PAAF1: variants seen among roughly 807,000 people sequenced by gnomAD.
PAAF1 encodes proteasomal ATPase-associated factor 1.
Under a neutral mutation model 52.8 loss-of-function variants are expected in PAAF1, and 46 were observed. The observed-to-expected ratio is 0.87, with a 90% confidence interval of 0.69 to 1.11. The LOEUF is 1.11. Ranked by LOEUF, PAAF1 falls within the 50% of genes most tolerant of loss-of-function variation. The pLI, the probability that PAAF1 is intolerant of heterozygous loss-of-function variation, is 0.00. For synonymous variants in PAAF1, 178 were observed against 172.8 expected, an observed-to-expected ratio of 1.03 and a Z score of -0.24; for missense variants, 424 against 477.4, an observed-to-expected ratio of 0.89 and a Z score of 1.04.
At chr11:73,921,779 G>A (rs1591133074) in intron 10 of PAAF1, 2 of 1,201,222 alleles carry the variant, frequency 1.7e-6, no homozygotes, top group East Asian at 5.3e-5. Context: ...CCAGTCTCTT[G>A]CCTTAGATGT....
In PAAF1 at chr11:73,909,609, T is replaced by C. The variant is rs1949873126; in HGVS notation, c.727+16T>C. The C allele has an allele frequency of 6.2e-7, 1 of 1,610,792 alleles. No individual in the cohort carries two copies. Among genetic ancestry groups the C allele is most frequent in the South Asian group, 1.1e-5 (1 of 90,992 alleles). On this transcript the variant is annotated intron_variant, in intron 7 of 11. Transcript: ENST00000310571. ...CAGATGCCCAGTAAGTTGATAATGATATGTAGCATTGTTTTATTTTCTTAG... is the reference window on the plus strand; with the variant it reads ...CAGATGCCCAGTAAGTTGATAATGACATGTAGCATTGTTTTATTTTCTTAG...
At chr11:73,912,782 A>G (rs1402767708) in intron 7 of PAAF1, among the ~76,000 whole-genome samples, 1 of 152,148 alleles carries the variant, frequency 6.6e-6, no homozygotes, top group African/African-American at 2.4e-5. Context: ...CTCCAGTCTC[A>G]TGTCATACCA....
chr11:73,902,703 A>AT (rs1323888876), intron 6 of PAAF1, among the ~76,000 whole-genome samples: 1 of 151,762 alleles, frequency 6.6e-6, no homozygotes, highest in Non-Finnish European at 1.5e-5. Flanking sequence ...TTTATTTATT[A>AT]TTATTTTTTT....
intron 6 of PAAF1, among the ~76,000 whole-genome samples, chr11:73,908,349 GTATATATGTGTGTATATATATATGTA>G (rs1565143776): frequency 5.1e-5 from 7 of 137,934 alleles, no homozygotes; most frequent in Non-Finnish European, 1.1e-4. Flanking sequence ...GTATATATGT[GTATATATGTGTGTATATATATATGTA>G]TATATATGTG....
At chr11:73,889,385 T>G in intron 3 of PAAF1, 1 of 517,896 alleles carries the variant, frequency 1.9e-6, no homozygotes, top group South Asian at 8.4e-5. Flanking sequence ...TAAAAATGTT[T>G]GACTTAGAAT....
At chr11:73,908,283 ATG>A (rs1419585636) in intron 6 of PAAF1, among the ~76,000 whole-genome samples, 1 of 146,496 alleles carries the variant, frequency 6.8e-6, no homozygotes, top group East Asian at 1.9e-4. Context: ...ATGTGTATAT[ATG>A]TATATATATG....
chr11:73,918,577 C>T (rs965117992), intron 9 of PAAF1, among the ~76,000 whole-genome samples: 4 of 150,952 alleles, frequency 2.6e-5, no homozygotes, highest in African/African-American at 4.9e-5. Context: ...CCCGGGTTCC[C>T]GCCATTCTCC....
At chr11:73,919,091 G>C in intron 10 of PAAF1, 59 bp downstream of exon 10, 1 of 1,457,440 alleles carries the variant, frequency 6.9e-7, no homozygotes, top group Non-Finnish European at 9.5e-7. Context: ...ATTAAACATA[G>C]TTTTAAGTGT....
At chr11:73,900,142 T>A (rs1949556175) in intron 5 of PAAF1, 128 bp from the exon 6 acceptor site, 2 of 970,596 alleles carry the variant, frequency 2.1e-6, no homozygotes. Context: ...TGGATATCCT[T>A]AGTTTTAAAA....
chr11:73,927,518 C>CT lies in PAAF1; in HGVS notation c.*157dup, dbSNP rs1950396188. 1.5e-6 allele frequency: 1 copy of CT among 655,756 alleles called. No individual in the cohort carries two copies. Among genetic ancestry groups the CT allele is most frequent in the Admixed American group, 2.5e-5 (1 of 40,154 alleles). The allele number at this position is 655,756 out of a possible 1,614,324, so 40.6% of individuals were successfully genotyped here. A position where few individuals can be genotyped will look rare whatever the true frequency, so the allele number is the denominator to read the frequency against. Reference sequence around the variant, plus strand: ...TCAGCTGTACTGGCCGTGTGGAACTCTCATCCCAAGACCTACTTTGAACTG... The same window carrying CT: ...TCAGCTGTACTGGCCGTGTGGAACTCTTCATCCCAAGACCTACTTTGAACTG... On this transcript the variant is annotated 3_prime_UTR_variant, in exon 12 of 12. Coordinates refer to ENST00000310571, the MANE Select transcript of PAAF1 (RefSeq NM_025155.3).
rs921776317 is a variant in PAAF1 at position 73,921,689 on chromosome 11, A to G, written c.1018+2657A>G. 3 of 839,848 alleles carry G rather than the reference A, an allele frequency of 3.6e-6. No homozygotes were observed. In the African/African-American group the frequency reaches 5.1e-5, roughly 14 times the overall value. The allele number at this position is 839,848 out of a possible 1,614,324, so 52.0% of individuals were successfully genotyped here. On this transcript the variant is annotated intron_variant, in intron 10 of 11. Transcript: ENST00000310571. The stretch of plus-strand genomic sequence containing the variant: ...CAGGTCTTGAAAGACTCTAGCATGA[A>G]CTGTCTCTTCACAAAACAAGTCCAC...
At chr11:73,898,154 G>C in intron 4 of PAAF1, among the ~76,000 whole-genome samples, 1 of 149,794 alleles carries the variant, frequency 6.7e-6, no homozygotes, top group South Asian at 2.2e-4. Context: ...CTGGGCATCA[G>C]AGGGAGACCG....
intron 8 of PAAF1, among the ~76,000 whole-genome samples, chr11:73,915,116 T>G (rs576373689): frequency 7.0e-4 from 106 of 152,326 alleles, no homozygotes; most frequent in Non-Finnish European, 1.3e-3. Flanking sequence ...TTAACCTCTC[T>G]GAGCCTGCTT....
At chr11:73,918,891 A>G (rs542504987) in intron 9 of PAAF1, 59 bp from the exon 10 acceptor site, 26 of 1,280,244 alleles carry the variant, frequency 2.0e-5, no homozygotes, top group Non-Finnish European at 2.8e-5. Flanking sequence ...TATGTTGAAT[A>G]TAGTCAAGTA....
intron 10 of PAAF1, chr11:73,921,595 C>T (rs950496275): frequency 5.1e-5 from 32 of 623,886 alleles, no homozygotes; most frequent in Admixed American, 4.6e-4. Flanking sequence ...GCAAAAGATT[C>T]GTATATCTTG....
rs190213266 is a variant in PAAF1, at chr11:73,882,760, G to A, written c.88+3941G>A. ...TGGGATTACAGGTGTCCGCCACCAC[G>A]CCCAGCTAATTTTTTTGTATTTTTA... is the stretch of plus-strand genomic sequence containing the variant. On this transcript the variant is annotated intron_variant, in intron 2 of 11. Transcript: ENST00000310571. 2.8e-4 allele frequency among the ~76,000 whole-genome samples: 42 copies of A among 152,092 alleles called. 1 individual carries two copies. The East Asian group carries it at 7.2e-3, about 26-fold the overall frequency.
In PAAF1 at chr11:73,928,542, G is replaced by A. The variant is rs1024692775; in HGVS notation, c.*1180G>A. 2.0e-5 allele frequency: 3 copies of A among 152,054 alleles called. No homozygotes were observed. The highest frequency in any genetic ancestry group is 4.4e-5 in the Non-Finnish European group (3 of 68,018). The allele number at this position is 152,054 out of a possible 1,614,324, so 9.4% of individuals were successfully genotyped here. ...ATTTTCCATCTCAGTACATGTAGACGTTCCTCATTCTTTTTTAACAATGTC... is the reference window on the plus strand; with the variant it reads ...ATTTTCCATCTCAGTACATGTAGACATTCCTCATTCTTTTTTAACAATGTC... On this transcript the variant is annotated 3_prime_UTR_variant, in exon 12 of 12. Transcript: ENST00000310571.
intron 7 of PAAF1, among the ~76,000 whole-genome samples, chr11:73,910,406 G>T (rs1474478496): frequency 6.6e-6 from 1 of 152,162 alleles, no homozygotes; most frequent in Non-Finnish European, 1.5e-5. Context: ...AGGTGTAGGG[G>T]CAGTTTGCAT....
At chr11:73,919,485 G>A in intron 10 of PAAF1, among the ~76,000 whole-genome samples, 1 of 152,198 alleles carries the variant, frequency 6.6e-6, no homozygotes. Context: ...GAGATGTAAA[G>A]AGGGACACTG....
Sources: allele counts gnomAD v4.1 joint callset (sites outside exome capture counted in the v4.1 genomes callset), GRCh38; gene constraint gnomAD v4.1.1; transcripts MANE v1.5; gene names NCBI Gene and HGNC (gene_info 2026-07-23, HGNC 2026-07-21).